Variants in RBFOX3 observed in about 807,000 individuals in gnomAD.
RBFOX3 encodes RNA binding fox-1 homolog 3.
A neutral mutation model predicts 48.7 loss-of-function variants in RBFOX3; 17 were observed. That is an observed-to-expected ratio of 0.35 (90% CI 0.24 to 0.52). RBFOX3 has a LOEUF of 0.52. RBFOX3 is among the 20% of genes least tolerant of loss of function. RBFOX3 has a pLI of 0.94. For synonymous variants in RBFOX3, 212 were observed against 209.5 expected (o/e 1.01, Z -0.10); for missense variants, 382 against 497.5 (o/e 0.77, Z 2.21).
chr17:79,362,333 C>G lies in RBFOX3; in HGVS notation c.-174-54509G>C, dbSNP rs1477137389. ...CGGCCCTTCAGGGCTTGGCTGAGATCCCCGGCCAGCGTCTGCGTAGGACGG... is the reference window on the plus strand; with the variant it reads ...CGGCCCTTCAGGGCTTGGCTGAGATGCCCGGCCAGCGTCTGCGTAGGACGG... On this transcript the variant is annotated intron_variant, in intron 2 of 14. Transcript: ENST00000693108. The surrounding 1 kb of genome is among the most constrained non-coding windows in gnomAD (Gnocchi z 4.2). Among the ~76,000 whole-genome samples the G allele has an allele frequency of 2.0e-5, 3 of 152,230 alleles. No individual in the cohort carries two copies. Among genetic ancestry groups the G allele is most frequent in the Non-Finnish European group, 4.4e-5 (3 of 68,048 alleles).
At chr17:79,341,237 C>T (rs993527569) in intron 2 of RBFOX3, among the ~76,000 whole-genome samples, 1 of 152,156 alleles carries the variant, frequency 6.6e-6, no homozygotes, top group Admixed American at 6.5e-5. Context: ...CAGGGGTACA[C>T]AGGTGTGTGT....
chr17:79,422,495 G>C (rs897636292), intron 2 of RBFOX3, among the ~76,000 whole-genome samples: 3 of 152,048 alleles, frequency 2.0e-5, no homozygotes, highest in Non-Finnish European at 4.4e-5. Flanking sequence ...AGGGCTTCCC[G>C]GCCCAGGCTG....
intron 2 of RBFOX3, among the ~76,000 whole-genome samples, chr17:79,455,203 G>A (rs1207401926): frequency 6.6e-6 from 1 of 152,186 alleles, no homozygotes; most frequent in Non-Finnish European, 1.5e-5. Context: ...GAGGAAGCTG[G>A]ATGTGCTACT....
At chr17:79,623,630 A>G in the RBFOX3 span, among the ~76,000 whole-genome samples, 1 of 152,116 alleles carries the variant, frequency 6.6e-6, no homozygotes, top group South Asian at 2.1e-4. Flanking sequence ...CCTGGCCAAC[A>G]TGGTGAAACG....
At chr17:79,284,913 T>C (rs1184610337) in intron 3 of RBFOX3, among the ~76,000 whole-genome samples, 7 of 152,124 alleles carry the variant, frequency 4.6e-5, no homozygotes, top group African/African-American at 1.7e-4. Context: ...CTTGGGGCCC[T>C]TCATCCTCTG....
At chr17:79,536,262 G>A (rs1568388926) in intron 1 of RBFOX3, among the ~76,000 whole-genome samples, 1 of 152,166 alleles carries the variant, frequency 6.6e-6, no homozygotes, top group East Asian at 1.9e-4. Context: ...ATTTTCAGTG[G>A]AGACAGGGTT....
At chr17:79,211,243 G>A (rs554273904) in intron 4 of RBFOX3, among the ~76,000 whole-genome samples, 8 of 152,296 alleles carry the variant, frequency 5.3e-5, no homozygotes, top group South Asian at 2.1e-4. Flanking sequence ...TGTGGCTTCC[G>A]TCGTGGGGAG....
chr17:79,415,993 T>C (rs2065288484), intron 2 of RBFOX3, among the ~76,000 whole-genome samples: 1 of 152,158 alleles, frequency 6.6e-6, no homozygotes, highest in African/African-American at 2.4e-5. Flanking sequence ...GCCCCAGAAT[T>C]CCAGGAGGAG....
the RBFOX3 span, among the ~76,000 whole-genome samples, chr17:79,640,456 A>C: frequency 6.6e-6 from 1 of 152,242 alleles, no homozygotes. Context: ...AAACGAAAAA[A>C]TAATCCCAAA....
the RBFOX3 span, among the ~76,000 whole-genome samples, chr17:79,654,260 C>G: frequency 6.6e-6 from 1 of 152,274 alleles, no homozygotes; most frequent in South Asian, 2.1e-4. Context: ...CAGTCTCTGA[C>G]CAGCTTTCGG....
chr17:79,096,811 T>A lies in RBFOX3; in HGVS notation c.778A>T (p.Lys260Ter). The A allele has an allele frequency of 1.1e-6, 1 of 870,206 alleles. No homozygotes were observed. The highest frequency in any genetic ancestry group is 1.9e-6 in the Non-Finnish European group (1 of 529,942). 53.9% of individuals were successfully genotyped at this position (870,206 alleles called of 1,614,324 possible). The change falls in exon 12 of 15, where the codon AAA (lysine) becomes TAA (stop). Residue 260 changes from lysine to a stop codon, truncating the protein, a stop_gained. Coordinates refer to ENST00000693108, the MANE Select transcript of RBFOX3 (RefSeq NM_001350451.2). LOFTEE classifies it high-confidence loss of function. Reference protein sequence around the residue: ...YGAALEQTLVKMPVPWAGLAP... With the variant: ...YGAALEQTLV ...AGCCCCGCCCATGGGACTGGCATTT[T>A]AACAAGCGTTTGCTCCAGTGCCCTG...
chr17:79,635,731 A>T, the RBFOX3 span, among the ~76,000 whole-genome samples: 1 of 152,230 alleles, frequency 6.6e-6, no homozygotes. Context: ...ACAAAAAGTT[A>T]CGGCAAATTA....
chr17:79,556,380 C>G (rs1293124583), intron 1 of RBFOX3, among the ~76,000 whole-genome samples: 2 of 152,050 alleles, frequency 1.3e-5, no homozygotes, highest in Admixed American at 1.3e-4. Context: ...GAGGAGTGCC[C>G]GTGTGGCTCC....
intron 4 of RBFOX3, among the ~76,000 whole-genome samples, chr17:79,189,969 A>G (rs2054139418): frequency 6.6e-6 from 1 of 152,234 alleles, no homozygotes; most frequent in Non-Finnish European, 1.5e-5. Context: ...CGCACCAGCC[A>G]AGGAAAACCC....
rs142295189 is a variant in RBFOX3, at chr17:79,363,816, C to T, written c.-174-55992G>A. 4.0e-4 allele frequency among the ~76,000 whole-genome samples: 61 copies of T among 152,212 alleles called. No individual in the cohort carries two copies. Among genetic ancestry groups the T allele is most frequent in the Non-Finnish European group, 6.8e-4 (46 of 67,996 alleles). On this transcript the variant is annotated intron_variant, in intron 2 of 14. Coordinates refer to ENST00000693108, the MANE Select transcript of RBFOX3 (RefSeq NM_001350451.2). This position sits in a 1 kb window ranked among gnomAD's most constrained non-coding sequence, Gnocchi z 4.7. ...GAAGGTCAATCAGCTCGCACCCCTG[C>T]CCCACTCAGAACTCTCTGGGGCTGT... is the stretch of plus-strand genomic sequence containing the variant.
At chr17:79,255,699 C>T (rs934813713) in intron 3 of RBFOX3, among the ~76,000 whole-genome samples, 2 of 152,080 alleles carry the variant, frequency 1.3e-5, no homozygotes, top group African/African-American at 2.4e-5. Context: ...CTGGGCCTGG[C>T]CTCCCAGTCC....
chr17:79,577,398 G>A (rs1052133596), intron 1 of RBFOX3, among the ~76,000 whole-genome samples: 4 of 152,144 alleles, frequency 2.6e-5, no homozygotes, highest in Non-Finnish European at 5.9e-5. Context: ...TTCTTCACAC[G>A]CACGGGCAGA....
chr17:79,462,304 A>G (rs2075473823), intron 2 of RBFOX3, among the ~76,000 whole-genome samples: 1 of 152,244 alleles, frequency 6.6e-6, no homozygotes, highest in African/African-American at 2.4e-5. Flanking sequence ...CAAGGCACTA[A>G]TGGTGTGACC....
chr17:79,477,440 C>T lies in RBFOX3; in HGVS notation c.-175+5014G>A, dbSNP rs1367311563. On this transcript the variant is annotated intron_variant, in intron 2 of 14. Transcript: ENST00000693108. The surrounding 1 kb of genome is among the most constrained non-coding windows in gnomAD (Gnocchi z 4.8). ...ACGTGGTGGCGGGCGCCTGTAGTCC[C>T]AGCTACTTGGGAGGCTGAGGCAGGA... Among the ~76,000 whole-genome samples the T allele has an allele frequency of 6.6e-6, 1 of 151,712 alleles. No individual in the cohort carries two copies. Among genetic ancestry groups the T allele is most frequent in the Non-Finnish European group, 1.5e-5 (1 of 67,956 alleles).
Sources: allele counts gnomAD v4.1 joint callset (sites outside exome capture counted in the v4.1 genomes callset), GRCh38; gene constraint gnomAD v4.1.1; non-coding constraint Gnocchi (gnomAD v3.1); transcripts MANE v1.5; gene names NCBI Gene and HGNC (gene_info 2026-07-23, HGNC 2026-07-21).